Variants in APLP2 observed in about 807,000 individuals in gnomAD.
APLP2 encodes the protein CDEI box-binding protein.
Under a neutral mutation model 89.9 loss-of-function variants are expected in APLP2, and 53 were observed. The observed-to-expected ratio is 0.59, with a 90% CI of 0.47 to 0.74. The LOEUF is 0.74. APLP2 is among the 30% of genes least tolerant of loss of function. APLP2 has a pLI of 0.00. For synonymous variants in APLP2, 372 were observed against 348.6 expected (o/e 1.07, Z -0.75); for missense variants, 973 against 975.9 (o/e 1.00, Z 0.04).
intron 1 of APLP2, chr11:130,070,572 T>C: frequency 7.7e-7 from 1 of 1,302,266 alleles, no homozygotes; most frequent in Non-Finnish European, 9.7e-7. Context: ...TTCGCCTTTG[T>C]TGCCAGGTGG....
chr11:130,136,485 C>T (rs1219408162), intron 13 of APLP2, among the ~76,000 whole-genome samples: 5 of 152,114 alleles, frequency 3.3e-5, no homozygotes, highest in Non-Finnish European at 4.4e-5. Context: ...GTAACTTGCC[C>T]GAGGTCATGT....
chr11:130,070,917 G>A (rs1940914609), intron 1 of APLP2, among the ~76,000 whole-genome samples: 1 of 152,114 alleles, frequency 6.6e-6, no homozygotes, highest in Admixed American at 6.5e-5. Flanking sequence ...CGGCAGGGCC[G>A]GGGGTTGGGG....
rs1952352865 is a variant in APLP2 at position 130,141,295 on chromosome 11, T to C, written c.1924-203T>C. The C allele has an allele frequency of 3.5e-6, 2 of 575,840 alleles. No individual in the cohort carries two copies. Among genetic ancestry groups the C allele is most frequent in the East Asian group, 2.9e-5 (1 of 34,434 alleles). The allele number at this position is 575,840 out of a possible 1,614,324, so 35.7% of individuals were successfully genotyped here. ...GCATACGGGACCAGCTGCCATAATA[T>C]AGTCTTCCCTCCATACCTGCCCCTT... On this transcript the variant is annotated intron_variant, in intron 14 of 16. Transcript: ENST00000338167. The surrounding 1 kb of genome is among the most constrained non-coding windows in gnomAD (Gnocchi z 4.2).
Position 130,141,975 on chromosome 11 carries a change from C to T in APLP2, c.2055C>T (p.Gly685=), listed in dbSNP as rs747771623. Residue 685 remains glycine (G), a synonymous_variant, in exon 16 of 17, where the codon GGC becomes GGT. Transcript: ENST00000338167. The surrounding 1 kb of genome is among the most constrained non-coding windows in gnomAD (Gnocchi z 4.2). ...DFSLSSSALI[G]LLVIAVAIAT... is the part of the protein sequence containing the mutation. Reference sequence around the variant, plus strand: ...GTCTGAGTAGCAGTGCTCTCATTGGCCTGCTGGTCATCGCAGTGGCCATTG... The same window carrying T: ...GTCTGAGTAGCAGTGCTCTCATTGGTCTGCTGGTCATCGCAGTGGCCATTG... The T allele has an allele frequency of 1.2e-6, 2 of 1,614,074 alleles. No individual in the cohort carries two copies. The highest frequency in any genetic ancestry group is 2.2e-5 in the South Asian group (2 of 91,070).
chr11:130,075,705 G>A (rs553144502), intron 1 of APLP2, among the ~76,000 whole-genome samples: 92 of 152,272 alleles, frequency 6.0e-4, no homozygotes, highest in African/African-American at 2.1e-3. Flanking sequence ...ACCTAAAAAG[G>A]GAGTCAGTAG....
intron 1 of APLP2, among the ~76,000 whole-genome samples, chr11:130,076,833 TC>T (rs1942220941): frequency 6.6e-6 from 1 of 152,148 alleles, no homozygotes; most frequent in South Asian, 2.1e-4. Flanking sequence ...ATAAGACCCC[TC>T]AGGTGTCACT....
Position 130,121,682 on chromosome 11 carries a change from C to G in APLP2, c.585C>G (p.Phe195Leu). The change falls in exon 5 of 17, where the codon TTC (phenylalanine) becomes TTG (leucine). Residue 195 changes from phenylalanine to leucine, a missense_variant. Phe to Leu is a conservative substitution (Grantham distance 22). Transcript: ENST00000338167. ...TGCTCCCATGTGGGGTAGACCAGTT[C>G]CATGGCACTGAATATGTGTGCTGCC... ...GMLLPCGVDQ[F>L]HGTEYVCCPQ... The G allele has an allele frequency of 6.2e-7, 1 of 1,613,992 alleles. No homozygotes were observed.
At chr11:130,112,546 C>T (rs1236168693) in intron 3 of APLP2, among the ~76,000 whole-genome samples, 2 of 142,746 alleles carry the variant, frequency 1.4e-5, no homozygotes, top group Non-Finnish European at 3.2e-5. Context: ...GCCTAGGAAT[C>T]CTGTGAAAAA....
chr11:130,077,617 AAAAAAAC>A (rs1439073302), intron 1 of APLP2, among the ~76,000 whole-genome samples: 1 of 152,038 alleles, frequency 6.6e-6, no homozygotes, highest in Non-Finnish European at 1.5e-5. Context: ...AGCCTTAAAA[AAAAAAAC>A]AAAAAACCAC....
At chr11:130,097,934 C>T (rs1424870536) in intron 1 of APLP2, among the ~76,000 whole-genome samples, 2 of 152,112 alleles carry the variant, frequency 1.3e-5, no homozygotes, top group Non-Finnish European at 2.9e-5. Context: ...GGACCATTAG[C>T]AGTTCTGTAC....
intron 1 of APLP2, among the ~76,000 whole-genome samples, chr11:130,084,726 A>G (rs1162169145): frequency 6.6e-6 from 1 of 152,224 alleles, no homozygotes; most frequent in Non-Finnish European, 1.5e-5. Flanking sequence ...CATTAAAAAA[A>G]TAAGAAAGAT....
intron 1 of APLP2, among the ~76,000 whole-genome samples, chr11:130,083,210 A>G (rs1049016069): frequency 6.6e-6 from 1 of 150,678 alleles, no homozygotes; most frequent in Non-Finnish European, 1.5e-5. Context: ...GTAATTAAAC[A>G]TTTTTTTTGT....
intron 1 of APLP2, among the ~76,000 whole-genome samples, chr11:130,094,090 G>A (rs531796622): frequency 4.6e-4 from 48 of 103,410 alleles, no homozygotes; most frequent in African/African-American, 1.7e-3. Flanking sequence ...TTTCTCTCTT[G>A]TAGCCCAGGC....
intron 3 of APLP2, among the ~76,000 whole-genome samples, chr11:130,110,870 T>C (rs941080047): frequency 6.6e-6 from 1 of 152,126 alleles, no homozygotes; most frequent in Non-Finnish European, 1.5e-5. Flanking sequence ...GCCTTCCCAT[T>C]GTAGACATCC....
chr11:130,143,981 T>C lies in APLP2; in HGVS notation c.*533T>C, dbSNP rs930794927. The C allele has an allele frequency of 1.3e-5, 2 of 153,016 alleles. No homozygotes were observed. Among genetic ancestry groups the C allele is most frequent in the African/African-American group, 4.8e-5 (2 of 41,464 alleles). 9.5% of individuals were successfully genotyped at this position (153,016 alleles called of 1,614,324 possible). On this transcript the variant is annotated 3_prime_UTR_variant, in exon 17 of 17. Transcript: ENST00000338167. ...GAACTGTAATGGCCACTGAAGCACG[T>C]GAGAGACCCTCGCAAAATGATGTGA...
In APLP2 at chr11:130,143,799, A is replaced by G. The variant is rs1052913062; in HGVS notation, c.*351A>G. 3 of 202,264 alleles carry G rather than the reference A, an allele frequency of 1.5e-5. No homozygotes were observed. The highest frequency in any genetic ancestry group is 3.1e-5 in the Non-Finnish European group (3 of 97,690). The allele number at this position is 202,264 out of a possible 1,614,324, so 12.5% of individuals were successfully genotyped here. A position where few individuals can be genotyped will look rare whatever the true frequency, so the allele number is the denominator to read the frequency against. On this transcript the variant is annotated 3_prime_UTR_variant, in exon 17 of 17. Transcript: ENST00000338167. ...AATAAATGGGAAATGTCGATTTTCA[A>G]TAATAGACTTATATGCAGGCTGTCG... is the stretch of plus-strand genomic sequence containing the variant.
At chr11:130,084,743 C>G (rs959451890) in intron 1 of APLP2, among the ~76,000 whole-genome samples, 1 of 150,954 alleles carries the variant, frequency 6.6e-6, no homozygotes, top group African/African-American at 2.4e-5. Context: ...AGATCTCAAA[C>G]AGCCTAATTG....
chr11:130,107,104 G>A (rs1947890715), intron 1 of APLP2, among the ~76,000 whole-genome samples: 1 of 152,152 alleles, frequency 6.6e-6, no homozygotes, highest in Non-Finnish European at 1.5e-5. Flanking sequence ...CAAGAAAGCA[G>A]GTCATGACTT....
chr11:130,098,290 A>T (rs903446416), intron 1 of APLP2, among the ~76,000 whole-genome samples: 1 of 152,016 alleles, frequency 6.6e-6, no homozygotes, highest in Non-Finnish European at 1.5e-5. Flanking sequence ...CTGTAATCCC[A>T]GCTACTTGGG....
Sources: gnomAD v4.1 joint callset for allele counts (sites outside exome capture counted in the v4.1 genomes callset) on GRCh38, gnomAD v4.1.1 for gene constraint, Gnocchi (gnomAD v3.1) non-coding constraint, MANE v1.5 for transcripts, NCBI Gene and HGNC (gene_info 2026-07-23, HGNC 2026-07-21) for gene names.